HLX: variants seen among roughly 807,000 people sequenced by gnomAD.
The protein encoded by HLX is H2.0 like homeobox.
Under a neutral mutation model 27.7 loss-of-function variants are expected in HLX, and 6 were observed. The ratio of observed to expected loss-of-function variants is 0.22; its 90% CI spans 0.12 to 0.43. The LOEUF (loss-of-function observed/expected upper bound fraction) is 0.43, where lower values mean the gene tolerates loss of function less well. Ranked by LOEUF, HLX falls within the 20% of genes least tolerant of loss-of-function variation. The pLI, the probability that HLX is intolerant of heterozygous loss-of-function variation, is 1.00. For missense variants in HLX, 666 were observed against 655.2 expected (o/e 1.02, Z -0.18); for synonymous variants, 328 against 293.8 (o/e 1.12, Z -1.19).
rs1408337601 is a variant in HLX, at chr1:220,880,117, C to T, written c.260C>T (p.Ala87Val). 2.5e-6 allele frequency: 4 copies of T among 1,602,114 alleles called. No individual in the cohort carries two copies. Among genetic ancestry groups the T allele is most frequent in the Non-Finnish European group, 3.4e-6 (4 of 1,174,662 alleles). The part of the protein sequence containing the change: ...GSVHPHASFQ[A>V]AARSPLRPTP... ...GTTCACCCGCACGCCTCTTTCCAAG[C>T]GGCGGCCAGATCCCCGCTTCGACCC... Residue 87 changes from alanine (A) to valine (V), a missense_variant, in exon 1 of 4, where the codon GCG (alanine) becomes GTG (valine). Ala to Val is a moderately conservative substitution (Grantham distance 64). Coordinates refer to ENST00000366903, the MANE Select transcript of HLX (RefSeq NM_021958.4).
At chr1:220,882,537 G>C (rs1173114234) in intron 3 of HLX, 189 bp downstream of exon 3, 2 of 596,328 alleles carry the variant, frequency 3.4e-6, no homozygotes, top group Non-Finnish European at 6.0e-6. Context: ...TGGGGTGAGG[G>C]AGAAGGACCG....
At chr1:220,882,092 G>A (rs1479415559) in intron 2 of HLX, 72 bp from the exon 3 acceptor site, 2 of 1,430,458 alleles carry the variant, frequency 1.4e-6, no homozygotes, top group African/African-American at 2.8e-5. Flanking sequence ...GGACCCCCAG[G>A]CTGGCAGGTC....
chr1:220,884,928 C>G lies in HLX; in HGVS notation c.*224C>G. On this transcript the variant is annotated 3_prime_UTR_variant, in exon 4 of 4. Transcript: ENST00000366903. The surrounding 1 kb of genome is among the most constrained non-coding windows in gnomAD (Gnocchi z 4.9). ...TCCTGCTAGCCAGCCGAACACTTCTCTCCGGAAGCAGGCTGGTTCGACTGT... is the reference window on the plus strand; with the variant it reads ...TCCTGCTAGCCAGCCGAACACTTCTGTCCGGAAGCAGGCTGGTTCGACTGT... 2 of 676,322 alleles carry G rather than the reference C, an allele frequency of 3.0e-6. No homozygotes were observed. Among genetic ancestry groups the G allele is most frequent in the South Asian group, 4.1e-5 (2 of 48,206 alleles). The allele number at this position is 676,322 out of a possible 1,614,324, so 41.9% of individuals were successfully genotyped here.
rs1319837998 is a variant in HLX at position 220,880,162 on chromosome 1, C to T, written c.305C>T (p.Ser102Phe). 1.2e-6 allele frequency: 2 copies of T among 1,612,864 alleles called. No homozygotes were observed. Among genetic ancestry groups the T allele is most frequent in the Non-Finnish European group, 1.7e-6 (2 of 1,179,576 alleles). The change falls in exon 1 of 4, where the codon TCC becomes TTC. Residue 102 changes from serine to phenylalanine, a missense_variant. Coordinates refer to ENST00000366903, the MANE Select transcript of HLX (RefSeq NM_021958.4). ...PLRPTPVVAP[S>F]EVPAGFPQRL... ...CGACCCACCCCAGTGGTGGCGCCCT[C>T]CGAAGTCCCGGCTGGCTTCCCGCAG... is the stretch of plus-strand genomic sequence containing the variant.
At chr1:220,883,950 T>C (rs767606396) in intron 3 of HLX, 1 of 570,342 alleles carries the variant, frequency 1.8e-6, no homozygotes, top group South Asian at 2.1e-5. Context: ...TCCTGGGGCC[T>C]GAGGGTTGCA....
intron 3 of HLX, chr1:220,883,865 T>G: frequency 2.8e-6 from 1 of 361,980 alleles, no homozygotes; most frequent in South Asian, 3.9e-5. Flanking sequence ...TTACATGGAT[T>G]TAGAGTAGAG....
intron 2 of HLX, 154 bp downstream of exon 2, chr1:220,881,527 G>A (rs975792743): frequency 1.4e-6 from 1 of 735,554 alleles, no homozygotes; most frequent in Admixed American, 2.1e-5. Flanking sequence ...AGATTTCTCA[G>A]CGAGCTAGCG....
At chr1:220,882,529 G>A in intron 3 of HLX, 181 bp downstream of exon 3, 1 of 608,044 alleles carries the variant, frequency 1.6e-6, no homozygotes, top group Non-Finnish European at 2.9e-6. Context: ...GGTGGAGATG[G>A]GGTGAGGGAG....
At position 220,880,527 on chromosome 1, in the gene HLX, T is replaced by A. The variant is rs376682083; in HGVS notation, c.592+78T>A. 2.0e-4 allele frequency: 292 copies of A among 1,487,138 alleles called. 1 individual carries two copies. The African/African-American group carries it at 3.9e-3, about 20-fold the overall frequency. The allele number at this position is 1,487,138 out of a possible 1,614,324, so 92.1% of individuals were successfully genotyped here. On this transcript the variant is annotated intron_variant, in intron 1 of 3. Transcript: ENST00000366903. ...ACCCCGGGCTGGCTTGGGGTGCCTT[T>A]GAGTGTTTTTACAATTAAGGACAAA...
In HLX at chr1:220,881,426, A is replaced by G. The variant is rs893065049; in HGVS notation, c.772+53A>G. 25 of 1,465,902 alleles carry G rather than the reference A, an allele frequency of 1.7e-5. No homozygotes were observed. In the African/African-American group the frequency reaches 3.1e-4, roughly 18 times the overall value. 90.8% of individuals were successfully genotyped at this position (1,465,902 alleles called of 1,614,324 possible). A position where few individuals can be genotyped will look rare whatever the true frequency, so the allele number is the denominator to read the frequency against. ...AACGGGCGAGCCGACTAACAGTCAG[A>G]AATCTCAGGACTGACGCCTCCAGGG... is the stretch of plus-strand genomic sequence containing the variant. On this transcript the variant is annotated intron_variant, in intron 2 of 3. Transcript: ENST00000366903.
In HLX at chr1:220,880,707, AT is replaced by A. The variant is rs1184017141; in HGVS notation, c.592+260del. 24 of 577,406 alleles carry A rather than the reference AT, an allele frequency of 4.2e-5. No individual in the cohort carries two copies. The East Asian group carries it at 5.8e-4, about 14-fold the overall frequency. 35.8% of individuals were successfully genotyped at this position (577,406 alleles called of 1,614,324 possible). ...AATATTTATAAAAGTGGTTGGTGTA[AT>A]TATCTGCTAACATGACTTTGATCTC... On this transcript the variant is annotated intron_variant, in intron 1 of 3. Transcript: ENST00000366903.
chr1:220,880,279 C>T lies in HLX; in HGVS notation c.422C>T (p.Pro141Leu). 4 of 1,605,184 alleles carry T rather than the reference C, an allele frequency of 2.5e-6. No homozygotes were observed. The highest frequency in any genetic ancestry group is 2.7e-5 in the African/African-American group (2 of 75,016). The change falls in exon 1 of 4, where the codon CCG (proline) becomes CTG (leucine). Residue 141 changes from proline (P) to leucine (L), a missense_variant. By Grantham distance (98) the Pro-to-Leu change is moderately conservative. Coordinates refer to ENST00000366903, the MANE Select transcript of HLX (RefSeq NM_021958.4). ...CCGCAGCAGCAACAGCCTCCGCCTC[C>T]GCCCCGGGCTGGCGCCCTGCAGCCC... ...QQPQQQQPPPPPRAGALQPPA... is the reference protein window; with the variant it reads ...QQPQQQQPPPLPRAGALQPPA...
chr1:220,879,794 TC>T lies in HLX; in HGVS notation c.-60del. 1 of 1,481,344 alleles carries T rather than the reference TC, an allele frequency of 6.8e-7. No individual in the cohort carries two copies. Among genetic ancestry groups the T allele is most frequent in the South Asian group, 1.3e-5 (1 of 76,928 alleles). The allele number at this position is 1,481,344 out of a possible 1,614,324, so 91.8% of individuals were successfully genotyped here. A position where few individuals can be genotyped will look rare whatever the true frequency, so the allele number is the denominator to read the frequency against. On this transcript the variant is annotated 5_prime_UTR_variant, in exon 1 of 4. Transcript: ENST00000366903. ...GCCTTCTCCGGGACTCGCGCGCCCC[TC>T]CCCGCGCGCCCACCCACCCAGTCCG...
chr1:220,882,384 G>C (rs773982269), intron 3 of HLX, 36 bp downstream of exon 3: 7 of 1,606,004 alleles, frequency 4.4e-6, no homozygotes, highest in Non-Finnish European at 6.0e-6. Context: ...CAGCGCCCTC[G>C]GGCGGGCAGC....
chr1:220,883,251 T>A (rs1238890563), intron 3 of HLX: 11 of 146,934 alleles, frequency 7.5e-5, no homozygotes, highest in African/African-American at 2.8e-4. Flanking sequence ...CTCTGTTTCT[T>A]TCTGACCTCC....
At position 220,884,963 on chromosome 1, in the gene HLX, G is replaced by C; in HGVS notation, c.*259G>C. On this transcript the variant is annotated 3_prime_UTR_variant, in exon 4 of 4. Transcript: ENST00000366903. The surrounding 1 kb of genome is among the most constrained non-coding windows in gnomAD (Gnocchi z 4.9). ...AGGCTGGTTCGACTGTGAGGTGTTT[G>C]ACTAAACTGTTTCTCTGACTCGCCC... The C allele has an allele frequency of 1.8e-6, 1 of 569,096 alleles. No individual in the cohort carries two copies. Among genetic ancestry groups the C allele is most frequent in the South Asian group, 2.5e-5 (1 of 39,676 alleles). The allele number at this position is 569,096 out of a possible 1,614,324, so 35.3% of individuals were successfully genotyped here. A position where few individuals can be genotyped will look rare whatever the true frequency, so the allele number is the denominator to read the frequency against.
At chr1:220,882,414 T>C (rs1571712989) in intron 3 of HLX, 66 bp downstream of exon 3, 1 of 1,481,064 alleles carries the variant, frequency 6.8e-7, no homozygotes, top group South Asian at 1.2e-5. Context: ...CCTAGTCTGG[T>C]AGGTCCCCTC....
At chr1:220,880,752 G>A in intron 1 of HLX, 1 of 483,638 alleles carries the variant, frequency 2.1e-6, no homozygotes, top group East Asian at 3.5e-5. Context: ...TGTATCTAGA[G>A]ACAGAATTAT....
At position 220,884,609 on chromosome 1, in the gene HLX, G is replaced by T. The variant is rs777701429; in HGVS notation, c.1372G>T (p.Gly458Cys). The T allele has an allele frequency of 1.2e-6, 2 of 1,607,938 alleles. No homozygotes were observed. Among genetic ancestry groups the T allele is most frequent in the Non-Finnish European group, 1.7e-6 (2 of 1,177,412 alleles). The change falls in exon 4 of 4, where the codon GGC (glycine) becomes TGC (cysteine). Residue 458 changes from glycine (G) to cysteine (C), a missense_variant. Transcript: ENST00000366903. This position sits in a 1 kb window ranked among gnomAD's most constrained non-coding sequence, Gnocchi z 4.9. ...SAGCASSLGG[G>C]GASELLPATQ... is the part of the protein sequence containing the mutation. ...GGGTTGCGCCAGCAGCCTTGGCGGC[G>T]GCGGCGCCTCGGAGCTTCTCCCTGC...
Sources: allele counts gnomAD v4.1 joint callset, GRCh38; gene constraint gnomAD v4.1.1; non-coding constraint Gnocchi (gnomAD v3.1); transcripts MANE v1.5; gene names NCBI Gene and HGNC (gene_info 2026-07-23, HGNC 2026-07-21).